LPP: variants seen among roughly 807,000 people sequenced by gnomAD.
The protein encoded by LPP is LIM domain containing preferred translocation partner in lipoma.
LPP carries 38 observed loss-of-function variants against 60.4 expected under a neutral mutation model. The observed-to-expected ratio is 0.63, with a 90% CI of 0.49 to 0.83. The LOEUF (loss-of-function observed/expected upper bound fraction) is 0.83, where lower values mean the gene tolerates loss of function less well. LPP is among the 40% of genes least tolerant of loss of function. LPP has a pLI of 0.00. For missense variants in LPP, 902 were observed against 783.6 expected (o/e 1.15, Z -1.80); for synonymous variants, 328 against 290.8 (o/e 1.13, Z -1.30).
chr3:188,322,753 C>A (rs1180819145), intron 2 of LPP, among the ~76,000 whole-genome samples: 1 of 152,174 alleles, frequency 6.6e-6, no homozygotes, highest in African/African-American at 2.4e-5. Context: ...AGTTGTATGA[C>A]TCTATGCAAG....
intron 1 of LPP, among the ~76,000 whole-genome samples, chr3:188,212,419 C>A (rs971242744): frequency 1.3e-5 from 2 of 152,028 alleles, no homozygotes; most frequent in African/African-American, 2.4e-5. Flanking sequence ...ACTTCTTTAG[C>A]GGTTAATAAT....
chr3:188,527,189 A>C (rs1426178061), intron 6 of LPP, among the ~76,000 whole-genome samples: 1 of 151,734 alleles, frequency 6.6e-6, no homozygotes, highest in Non-Finnish European at 1.5e-5. Flanking sequence ...ATCTCTACTA[A>C]AAATACAAAA....
At chr3:188,286,940 G>A (rs576951839) in intron 2 of LPP, among the ~76,000 whole-genome samples, 61 of 152,036 alleles carry the variant, frequency 4.0e-4, no homozygotes, top group African/African-American at 1.4e-3. Flanking sequence ...CTCTCTTGTT[G>A]CCCAGGCTGG....
intron 2 of LPP, among the ~76,000 whole-genome samples, chr3:188,263,184 T>C (rs1383267770): frequency 6.6e-6 from 1 of 152,178 alleles, no homozygotes; most frequent in Non-Finnish European, 1.5e-5. Flanking sequence ...TTTCAGAGTC[T>C]GAGTGTACAC....
intron 2 of LPP, among the ~76,000 whole-genome samples, chr3:188,254,066 G>C (rs550705885): frequency 2.0e-4 from 31 of 152,310 alleles, no homozygotes; most frequent in African/African-American, 7.5e-4. Flanking sequence ...TTCTTGCTCA[G>C]GGCCATCTGT....
chr3:188,743,012 ACAGTGTGAGTG>A (rs1724979375), intron 8 of LPP, among the ~76,000 whole-genome samples: 1 of 152,112 alleles, frequency 6.6e-6, no homozygotes, highest in Admixed American at 6.6e-5. Flanking sequence ...AGAACCTGAA[ACAGTGTGAGTG>A]CAGAGAACAG....
At chr3:188,795,297 A>G (rs1424717530) in intron 9 of LPP, among the ~76,000 whole-genome samples, 1 of 152,220 alleles carries the variant, frequency 6.6e-6, no homozygotes, top group African/African-American at 2.4e-5. Flanking sequence ...TAGCAAACAC[A>G]TTTTTAAATC....
chr3:188,378,712 C>T (rs1468535865), intron 3 of LPP, among the ~76,000 whole-genome samples: 4 of 152,130 alleles, frequency 2.6e-5, no homozygotes, highest in Non-Finnish European at 5.9e-5. Context: ...TGCACTGCAC[C>T]CACTCTGCTG....
At chr3:188,396,765 T>G (rs1781048072) in intron 3 of LPP, among the ~76,000 whole-genome samples, 1 of 152,208 alleles carries the variant, frequency 6.6e-6, no homozygotes, top group Admixed American at 6.5e-5. Flanking sequence ...CTCTTGGCCT[T>G]GAACAGAAAA....
At chr3:188,629,058 C>T (rs141594099) in intron 7 of LPP, among the ~76,000 whole-genome samples, 279 of 152,224 alleles carry the variant, frequency 1.8e-3, no homozygotes, top group Non-Finnish European at 2.9e-3. Flanking sequence ...TTCAACATCG[C>T]TTCATGTTAA....
At chr3:188,787,071 C>T (rs1246469203) in intron 9 of LPP, among the ~76,000 whole-genome samples, 1 of 152,082 alleles carries the variant, frequency 6.6e-6, no homozygotes, top group Non-Finnish European at 1.5e-5. Context: ...AGTGCAATTA[C>T]ATAAATCAAA....
intron 9 of LPP, among the ~76,000 whole-genome samples, chr3:188,851,174 AT>A (rs1196922827): frequency 1.3e-5 from 2 of 152,208 alleles, no homozygotes; most frequent in African/African-American, 2.4e-5. Context: ...TGTAGAGGGA[AT>A]TTATAGATCA....
At chr3:188,462,829 G>A (rs184019031) in intron 4 of LPP, among the ~76,000 whole-genome samples, 122 of 151,610 alleles carry the variant, frequency 8.0e-4, no homozygotes, top group Admixed American at 2.2e-3. Context: ...TTTTCTAGCC[G>A]AGCACGGTGG....
intron 1 of LPP, among the ~76,000 whole-genome samples, chr3:188,187,871 A>G (rs571106465): frequency 1.3e-5 from 2 of 152,086 alleles, no homozygotes; most frequent in South Asian, 4.2e-4. Context: ...TTATTCACCA[A>G]TTTTTTAATA....
chr3:188,433,971 G>A (rs1791669277), intron 4 of LPP, among the ~76,000 whole-genome samples: 2 of 152,128 alleles, frequency 1.3e-5, no homozygotes, highest in African/African-American at 4.8e-5. Flanking sequence ...GAGAAAGTGG[G>A]GAGGGTGAAT....
At position 188,300,156 on chromosome 3, in the gene LPP, A is replaced by G. The variant is rs551099577; in HGVS notation, c.-66-41507A>G. ...GGGACATCATTGTTCTAATTTAAAC[A>G]TTTGGGTAATCTGTTCTCTTTTTTT... On this transcript the variant is annotated intron_variant, in intron 2 of 11. Coordinates refer to ENST00000617246, the MANE Select transcript of LPP (RefSeq NM_001375462.1). Among the ~76,000 whole-genome samples, 7 of 152,166 alleles carry G rather than the reference A, an allele frequency of 4.6e-5. No homozygotes were observed. The South Asian group carries it at 6.2e-4, about 14-fold the overall frequency.
chr3:188,636,852 C>T (rs917222143), intron 7 of LPP, among the ~76,000 whole-genome samples: 5 of 150,166 alleles, frequency 3.3e-5, no homozygotes, highest in Non-Finnish European at 7.4e-5. Context: ...AGGGTCCTGT[C>T]TGTTAGAAGG....
chr3:188,845,514 G>T (rs923624989), intron 9 of LPP, among the ~76,000 whole-genome samples: 1 of 152,174 alleles, frequency 6.6e-6, no homozygotes, highest in Non-Finnish European at 1.5e-5. Flanking sequence ...TTTAGAAAGG[G>T]TCTCTTTTCA....
intron 2 of LPP, among the ~76,000 whole-genome samples, chr3:188,227,305 T>G (rs1331631518): frequency 6.6e-6 from 1 of 150,572 alleles, no homozygotes; most frequent in Non-Finnish European, 1.5e-5. Context: ...TCATCTAGCA[T>G]TAGGTATATC....
Sources: gnomAD v4.1 joint callset for allele counts (sites outside exome capture counted in the v4.1 genomes callset) on GRCh38, gnomAD v4.1.1 for gene constraint, MANE v1.5 for transcripts, NCBI Gene and HGNC (gene_info 2026-07-23, HGNC 2026-07-21) for gene names.